HMGN2: variants seen among roughly 807,000 people sequenced by gnomAD.
The protein encoded by HMGN2 is non-histone chromosomal protein HMG-17.
Under a neutral mutation model 16.9 loss-of-function variants are expected in HMGN2, and 2 were observed. The observed-to-expected ratio is 0.12, with a 90% CI of 0.05 to 0.37. HMGN2 has a LOEUF of 0.37. Ranked by LOEUF, HMGN2 falls within the 10% of genes least tolerant of loss-of-function variation. HMGN2 has a pLI of 1.00. For synonymous variants in HMGN2, 31 were observed against 34.9 expected, an observed-to-expected ratio of 0.89 and a Z score of 0.39; for missense variants, 90 against 106.0, an observed-to-expected ratio of 0.85 and a Z score of 0.66.
In HMGN2 at chr1:26,474,555, T is replaced by C; in HGVS notation, c.142-17T>C. Reference sequence around the variant, plus strand: ...ACGAAATGGGGAGAAACAGTTCTATTTTTTCCCCTTTTTCAGAAGGGAGAG... The same window carrying C: ...ACGAAATGGGGAGAAACAGTTCTATCTTTTCCCCTTTTTCAGAAGGGAGAG... On this transcript the variant is annotated splice_polypyrimidine_tract_variant and intron_variant, in intron 4 of 5. Transcript: ENST00000361427. 1 of 1,266,408 alleles carries C rather than the reference T, an allele frequency of 7.9e-7. No individual in the cohort carries two copies. The highest frequency in any genetic ancestry group is 1.1e-6 in the Non-Finnish European group (1 of 871,028). 78.4% of individuals were successfully genotyped at this position (1,266,408 alleles called of 1,614,324 possible).
rs1557461468 is a variant in HMGN2 at position 26,474,063 on chromosome 1, CCT to C, written c.91-17_91-16del. 6.2e-7 allele frequency: 1 copy of C among 1,601,828 alleles called. No homozygotes were observed. Among genetic ancestry groups the C allele is most frequent in the Non-Finnish European group, 8.5e-7 (1 of 1,174,792 alleles). ...TCCATTGTACTGATGTTCACTTTTT[CCT>C]CTCTTCCTGCCAAAAAAAGAAACCT... On this transcript the variant is annotated intron_variant, in intron 3 of 5. Coordinates refer to ENST00000361427, the MANE Select transcript of HMGN2 (RefSeq NM_005517.4).
At chr1:26,473,417 C>A (rs2075588789) in intron 1 of HMGN2, 66 bp from the exon 2 acceptor site, 1 of 1,179,944 alleles carries the variant, frequency 8.5e-7, no homozygotes, top group South Asian at 1.2e-5. Context: ...TTTTAGCACT[C>A]TAAAGTTTGG....
In HMGN2 at chr1:26,476,465, G is replaced by A. The variant is rs1016583375; in HGVS notation, c.*1317G>A. The stretch of plus-strand genomic sequence containing the variant: ...GTAGACCTGCAAACAAAGACAATGG[G>A]GTCTTTCCTGATTCCTTTAGTTTGG... On this transcript the variant is annotated 3_prime_UTR_variant, in exon 6 of 6. Coordinates refer to ENST00000361427, the MANE Select transcript of HMGN2 (RefSeq NM_005517.4). Among the ~76,000 whole-genome samples, 26 of 152,238 alleles carry A rather than the reference G, an allele frequency of 1.7e-4. No individual in the cohort carries two copies. Among genetic ancestry groups the A allele is most frequent in the African/African-American group, 5.5e-4 (23 of 41,528 alleles).
At chr1:26,473,570 G>T in intron 2 of HMGN2, 43 bp downstream of exon 2, 1 of 1,563,256 alleles carries the variant, frequency 6.4e-7, no homozygotes, top group South Asian at 1.1e-5. Flanking sequence ...TGGACTAGCA[G>T]AGGCCACTGG....
At chr1:26,473,849 C>T in intron 3 of HMGN2, 117 bp downstream of exon 3, 2 of 1,055,492 alleles carry the variant, frequency 1.9e-6, no homozygotes, top group South Asian at 1.3e-5. Flanking sequence ...ATTGCCTCTA[C>T]TTGGGACTCT....
In HMGN2 at chr1:26,475,201, T is replaced by TA. The variant is rs2075599885; in HGVS notation, c.*54dup. 3.5e-6 allele frequency: 4 copies of TA among 1,155,190 alleles called. No homozygotes were observed. Among genetic ancestry groups the TA allele is most frequent in the Non-Finnish European group, 5.0e-6 (4 of 797,202 alleles). The allele number at this position is 1,155,190 out of a possible 1,614,324, so 71.6% of individuals were successfully genotyped here. On this transcript the variant is annotated 3_prime_UTR_variant, in exon 6 of 6. Transcript: ENST00000361427. ...CTTCTGGTGACTGTACAGTTTGAAA[T>TA]ACTATTTTTTATCAAGTTTTATAAA...
In HMGN2 at chr1:26,475,620, G is replaced by A. The variant is rs1006777596; in HGVS notation, c.*472G>A. On this transcript the variant is annotated 3_prime_UTR_variant, in exon 6 of 6. Transcript: ENST00000361427. ...ATCTGGACTTTCCAGTGATGCCACT[G>A]AGATGGCACCTGTCAAAAGAGCAGT... The A allele has an allele frequency of 6.3e-6, 2 of 318,028 alleles. No individual in the cohort carries two copies. Among genetic ancestry groups the A allele is most frequent in the Non-Finnish European group, 1.2e-5 (2 of 162,604 alleles). The allele number at this position is 318,028 out of a possible 1,614,324, so 19.7% of individuals were successfully genotyped here. A position where few individuals can be genotyped will look rare whatever the true frequency, so the allele number is the denominator to read the frequency against.
chr1:26,474,563 C>CT lies in HMGN2; in HGVS notation c.142-4dup. Reference sequence around the variant, plus strand: ...GGGAGAAACAGTTCTATTTTTTCCCCTTTTTCAGAAGGGAGAGAAGGTACC... The same window carrying CT: ...GGGAGAAACAGTTCTATTTTTTCCCCTTTTTTCAGAAGGGAGAGAAGGTACC... On this transcript the variant is annotated splice_polypyrimidine_tract_variant and intron_variant, in intron 4 of 5. Coordinates refer to ENST00000361427, the MANE Select transcript of HMGN2 (RefSeq NM_005517.4). 1 of 1,430,584 alleles carries CT rather than the reference C, an allele frequency of 7.0e-7. No homozygotes were observed. Among genetic ancestry groups the CT allele is most frequent in the Non-Finnish European group, 9.8e-7 (1 of 1,018,362 alleles). 88.6% of individuals were successfully genotyped at this position (1,430,584 alleles called of 1,614,324 possible).
intron 1 of HMGN2, 131 bp from the exon 2 acceptor site, chr1:26,473,352 G>A (rs1464054663): frequency 1.5e-6 from 1 of 672,184 alleles, no homozygotes; most frequent in Non-Finnish European, 2.6e-6. Flanking sequence ...ACGAACGTCG[G>A]GCTCACTCAT....
At chr1:26,473,645 C>T (rs1443724322) in intron 2 of HMGN2, 58 bp from the exon 3 acceptor site, 1 of 1,594,294 alleles carries the variant, frequency 6.3e-7, no homozygotes, top group South Asian at 1.1e-5. Context: ...CAAATTGATA[C>T]CAAACTTTCA....
intron 1 of HMGN2, chr1:26,473,090 C>T (rs1170933366): frequency 2.4e-5 from 6 of 250,728 alleles, no homozygotes; most frequent in African/African-American, 1.2e-4. Context: ...ACGTTCCCCG[C>T]GCACGAGACG....
In HMGN2 at chr1:26,472,583, C is replaced by T. The variant is rs1006671269; in HGVS notation, c.-30C>T. The T allele has an allele frequency of 3.3e-6, 5 of 1,535,914 alleles. No homozygotes were observed. Among genetic ancestry groups the T allele is most frequent in the African/African-American group, 2.7e-5 (2 of 72,896 alleles). The stretch of plus-strand genomic sequence containing the variant: ...CGCCGCTGCATCCCGCGTCCAGCAC[C>T]TACGTCCCGCTGCCGTCGCCGCCGC... On this transcript the variant is annotated 5_prime_UTR_variant, in exon 1 of 6. Coordinates refer to ENST00000361427, the MANE Select transcript of HMGN2 (RefSeq NM_005517.4).
Position 26,474,822 on chromosome 1 carries a change from ATC to A in HMGN2, c.237+159_237+160del, listed in dbSNP as rs1405521910. The stretch of plus-strand genomic sequence containing the variant: ...TTAACTTAAATCCTGGATTCTTGAA[ATC>A]TCTACTGTCAGCTGAAGGGCATTGT... On this transcript the variant is annotated intron_variant, in intron 5 of 5. Transcript: ENST00000361427. 4.8e-6 allele frequency: 3 copies of A among 630,362 alleles called. No homozygotes were observed. In the African/African-American group the frequency reaches 5.5e-5, roughly 12 times the overall value. The allele number at this position is 630,362 out of a possible 1,614,324, so 39.0% of individuals were successfully genotyped here. A position where few individuals can be genotyped will look rare whatever the true frequency, so the allele number is the denominator to read the frequency against.
rs1237300458 is a variant in HMGN2, at chr1:26,475,317, C to T, written c.*169C>T. ...TCATTGTTGTTTTTGGGGGAAGGGG[C>T]ATATGTCACTAATAGAATGTCTCCA... On this transcript the variant is annotated 3_prime_UTR_variant, in exon 6 of 6. Coordinates refer to ENST00000361427, the MANE Select transcript of HMGN2 (RefSeq NM_005517.4). 5.8e-6 allele frequency: 3 copies of T among 514,292 alleles called. No homozygotes were observed. The highest frequency in any genetic ancestry group is 1.0e-5 in the Non-Finnish European group (3 of 288,520). The allele number at this position is 514,292 out of a possible 1,614,324, so 31.9% of individuals were successfully genotyped here.
At position 26,476,017 on chromosome 1, in the gene HMGN2, C is replaced by G; in HGVS notation, c.*869C>G. ...CCACAAGTGGGGTAACCTGGTTTAT[C>G]CAAGTCTCTTGGAACAGGGTACGTT... On this transcript the variant is annotated 3_prime_UTR_variant, in exon 6 of 6. Transcript: ENST00000361427. 1 of 286,302 alleles carries G rather than the reference C, an allele frequency of 3.5e-6. No individual in the cohort carries two copies. Among genetic ancestry groups the G allele is most frequent in the Non-Finnish European group, 6.8e-6 (1 of 146,586 alleles). The allele number at this position is 286,302 out of a possible 1,614,324, so 17.7% of individuals were successfully genotyped here. A position where few individuals can be genotyped will look rare whatever the true frequency, so the allele number is the denominator to read the frequency against.
intron 1 of HMGN2, 45 bp downstream of exon 1, chr1:26,472,672 A>ACCGCCG (rs759000520): frequency 6.9e-5 from 102 of 1,474,590 alleles, no homozygotes; most frequent in East Asian, 7.6e-5. Flanking sequence ...CACTGCCGCC[A>ACCGCCG]CCGCCGCCGC....
chr1:26,473,245 T>C, intron 1 of HMGN2: 1 of 543,010 alleles, frequency 1.8e-6, no homozygotes, highest in South Asian at 2.3e-5. Flanking sequence ...CCTGTCGCGG[T>C]GGTGCGGGCT....
chr1:26,472,566 C>T lies in HMGN2; in HGVS notation c.-47C>T. ...ACCGACCAAAGCCCGCGCGCCGCTG[C>T]ATCCCGCGTCCAGCACCTACGTCCC... On this transcript the variant is annotated 5_prime_UTR_variant, in exon 1 of 6. Coordinates refer to ENST00000361427, the MANE Select transcript of HMGN2 (RefSeq NM_005517.4). 1.3e-6 allele frequency: 2 copies of T among 1,535,422 alleles called. No homozygotes were observed.
intron 1 of HMGN2, among the ~76,000 whole-genome samples, 170 bp downstream of exon 1, chr1:26,472,797 C>T (rs1004705750): frequency 4.0e-5 from 6 of 151,456 alleles, no homozygotes; most frequent in Admixed American, 2.6e-4. Context: ...AGCGGCTCGG[C>T]TGCCCGCGGG....
Sources: gnomAD v4.1 joint callset for allele counts (sites outside exome capture counted in the v4.1 genomes callset) on GRCh38, gnomAD v4.1.1 for gene constraint, MANE v1.5 for transcripts, NCBI Gene and HGNC (gene_info 2026-07-23, HGNC 2026-07-21) for gene names.